STXBP5L: variants seen among roughly 807,000 people sequenced by gnomAD.
STXBP5L encodes syntaxin binding protein 5L, also known as syntaxin-binding protein 5-like.
A neutral mutation model predicts 144.5 loss-of-function variants in STXBP5L; 65 were observed. The ratio of observed to expected loss-of-function variants is 0.45; its 90% CI spans 0.37 to 0.55. The LOEUF is 0.55. STXBP5L is among the 20% of genes least tolerant of loss of function. The probability of loss-of-function intolerance (pLI) is 0.00; values close to 1 mark genes in which losing one functional copy is unlikely to be tolerated. For missense variants in STXBP5L, 1,298 were observed against 1,405.5 expected (o/e 0.92, Z 1.22); for synonymous variants, 505 against 469.6 (o/e 1.08, Z -0.97).
chr3:121,101,421 T>G (rs2043419618), intron 5 of STXBP5L, among the ~76,000 whole-genome samples: 4 of 152,276 alleles, frequency 2.6e-5, no homozygotes, highest in East Asian at 1.9e-4. Flanking sequence ...ATTCCTGGGA[T>G]GCAAAGTTGA....
At chr3:121,063,697 G>A (rs1034542719) in intron 5 of STXBP5L, among the ~76,000 whole-genome samples, 1 of 152,188 alleles carries the variant, frequency 6.6e-6, no homozygotes, top group Non-Finnish European at 1.5e-5. Context: ...GCCCAGCAAG[G>A]AGGAATTTAG....
chr3:121,240,471 T>C lies in STXBP5L; in HGVS notation c.1364T>C (p.Leu455Pro), dbSNP rs991595885. The change falls in exon 14 of 27, where the codon CTT (leucine) becomes CCT (proline). Residue 455 changes from leucine to proline, a missense_variant. Physicochemically the swap from Leu to Pro is moderately conservative, Grantham distance 98 (BLOSUM62 -3). Coordinates refer to ENST00000471454, the MANE Select transcript of STXBP5L (RefSeq NM_001308330.2). Reference sequence around the variant, plus strand: ...CCAATCAGTGGAGGAGCTTGGAACCTTGGAGCACAAACATATCCAGAAATT... The same window carrying C: ...CCAATCAGTGGAGGAGCTTGGAACCCTGGAGCACAAACATATCCAGAAATT... Reference protein sequence around the residue: ...EWPISGGAWNLGAQTYPEIII... With the variant: ...EWPISGGAWNPGAQTYPEIII... The C allele has an allele frequency of 6.2e-7, 1 of 1,613,476 alleles. No homozygotes were observed. The highest frequency in any genetic ancestry group is 1.3e-5 in the African/African-American group (1 of 74,896).
intron 15 of STXBP5L, among the ~76,000 whole-genome samples, chr3:121,252,471 T>C (rs1483478718): frequency 6.6e-6 from 1 of 152,136 alleles, no homozygotes; most frequent in Non-Finnish European, 1.5e-5. Flanking sequence ...GCATGCATAA[T>C]AATATTTTGA....
chr3:121,371,599 G>A (rs1416198663), intron 20 of STXBP5L, among the ~76,000 whole-genome samples: 1 of 152,250 alleles, frequency 6.6e-6, no homozygotes, highest in African/African-American at 2.4e-5. Context: ...ATTCACAGCA[G>A]TAGTAGTGGC....
At chr3:121,025,363 C>A (rs188610766) in intron 3 of STXBP5L, among the ~76,000 whole-genome samples, 1 of 152,018 alleles carries the variant, frequency 6.6e-6, no homozygotes, top group Non-Finnish European at 1.5e-5. Flanking sequence ...TATAACTCAA[C>A]CCTATATGGT....
At chr3:121,255,618 TTTTAAG>T (rs1230011296) in intron 16 of STXBP5L, among the ~76,000 whole-genome samples, 1 of 152,026 alleles carries the variant, frequency 6.6e-6, no homozygotes. Context: ...TTTTATTAAT[TTTTAAG>T]TTTATCTGAT....
chr3:120,940,272 G>C (rs1576452794), intron 2 of STXBP5L, among the ~76,000 whole-genome samples: 1 of 152,070 alleles, frequency 6.6e-6, no homozygotes, highest in African/African-American at 2.4e-5. Flanking sequence ...AGAGAAGCTA[G>C]TGTAGCTAGG....
intron 5 of STXBP5L, among the ~76,000 whole-genome samples, chr3:121,105,626 C>A (rs1216501308): frequency 1.3e-5 from 2 of 151,936 alleles, no homozygotes; most frequent in African/African-American, 4.8e-5. Flanking sequence ...CTACTACAAC[C>A]ACTCTGGTAA....
intron 9 of STXBP5L, among the ~76,000 whole-genome samples, chr3:121,183,368 T>A (rs2047235082): frequency 6.6e-6 from 1 of 152,150 alleles, no homozygotes; most frequent in African/African-American, 2.4e-5. Flanking sequence ...TGGACACCAA[T>A]GATATGATTG....
At chr3:121,372,387 A>T (rs562311572) in intron 20 of STXBP5L, among the ~76,000 whole-genome samples, 2 of 152,158 alleles carry the variant, frequency 1.3e-5, no homozygotes, top group South Asian at 4.1e-4. Flanking sequence ...CTGCTCCATT[A>T]CAGGTGCTCC....
chr3:121,061,165 C>T (rs1047664880), intron 5 of STXBP5L, among the ~76,000 whole-genome samples: 5 of 152,024 alleles, frequency 3.3e-5, no homozygotes, highest in African/African-American at 4.8e-5. Context: ...GATTCTGGTA[C>T]GTTAAGTCTT....
At chr3:121,341,267 G>A (rs1490859642) in intron 20 of STXBP5L, among the ~76,000 whole-genome samples, 1 of 152,076 alleles carries the variant, frequency 6.6e-6, no homozygotes, top group South Asian at 2.1e-4. Flanking sequence ...TGCTCAACAA[G>A]CACATAAAGG....
At chr3:121,193,625 T>C (rs1577175448) in intron 9 of STXBP5L, among the ~76,000 whole-genome samples, 1 of 152,178 alleles carries the variant, frequency 6.6e-6, no homozygotes, top group Admixed American at 6.5e-5. Flanking sequence ...ATATACACCA[T>C]GGAATACTAT....
chr3:121,184,229 G>C (rs1367268940), intron 9 of STXBP5L, among the ~76,000 whole-genome samples: 1 of 151,906 alleles, frequency 6.6e-6, no homozygotes. Context: ...TGAACCGACA[G>C]AAGTAGGCTT....
chr3:121,174,982 G>T (rs2046876971), intron 9 of STXBP5L, among the ~76,000 whole-genome samples: 1 of 152,112 alleles, frequency 6.6e-6, no homozygotes, highest in South Asian at 2.1e-4. Flanking sequence ...GGAATGGAAG[G>T]AATATATGCC....
intron 3 of STXBP5L, among the ~76,000 whole-genome samples, chr3:121,038,972 GTATATATTAACCTATT>G (rs1946953884): frequency 6.6e-6 from 1 of 151,604 alleles, no homozygotes; most frequent in South Asian, 2.1e-4. Flanking sequence ...TAACCTATTT[GTATATATTAACCTATT>G]TGTATATATT....
At chr3:121,155,351 C>T (rs547783012) in intron 8 of STXBP5L, among the ~76,000 whole-genome samples, 1 of 151,902 alleles carries the variant, frequency 6.6e-6, no homozygotes, top group South Asian at 2.1e-4. Context: ...GCCTTCTTTC[C>T]TCTTCTGTAT....
intron 5 of STXBP5L, among the ~76,000 whole-genome samples, chr3:121,088,302 A>C (rs1302071455): frequency 1.7e-5 from 2 of 120,322 alleles, no homozygotes; most frequent in Non-Finnish European, 3.4e-5. Flanking sequence ...GACACTTCTC[A>C]AAAGAAGACA....
At chr3:121,033,606 A>G (rs1393111168) in intron 3 of STXBP5L, among the ~76,000 whole-genome samples, 1 of 151,506 alleles carries the variant, frequency 6.6e-6, no homozygotes, top group South Asian at 2.1e-4. Context: ...ATAAATAAAT[A>G]AATAAATTCG....
Sources: gnomAD v4.1 joint callset for allele counts (sites outside exome capture counted in the v4.1 genomes callset) on GRCh38, gnomAD v4.1.1 for gene constraint, MANE v1.5 for transcripts, NCBI Gene and HGNC (gene_info 2026-07-23, HGNC 2026-07-21) for gene names.